PLPPR1: variants seen among roughly 807,000 people sequenced by gnomAD.
PLPPR1 encodes phospholipid phosphatase related 1, also known as phospholipid phosphatase-related protein type 1.
Under a neutral mutation model 33.1 loss-of-function variants are expected in PLPPR1, and 10 were observed. That is an observed-to-expected ratio of 0.30 (90% CI 0.19 to 0.51). The LOEUF (loss-of-function observed/expected upper bound fraction) is 0.51, where lower values mean the gene tolerates loss of function less well. PLPPR1 is among the 20% of genes least tolerant of loss of function. The pLI is 0.97. For synonymous variants in PLPPR1, 151 were observed against 151.0 expected (o/e 1.00, Z 0.00); for missense variants, 304 against 408.1 (o/e 0.74, Z 2.20).
Position 101,324,124 on chromosome 9 carries a change from T to C in PLPPR1, c.*67T>C. 2 of 1,303,020 alleles carry C rather than the reference T, an allele frequency of 1.5e-6. No homozygotes were observed. The highest frequency in any genetic ancestry group is 2.2e-6 in the Non-Finnish European group (2 of 904,616). The allele number at this position is 1,303,020 out of a possible 1,614,324, so 80.7% of individuals were successfully genotyped here. A position where few individuals can be genotyped will look rare whatever the true frequency, so the allele number is the denominator to read the frequency against. On this transcript the variant is annotated 3_prime_UTR_variant, in exon 8 of 8. Transcript: ENST00000374874. Reference sequence around the variant, plus strand: ...CAATTCTATACTTCAAAACACACAGTTGCTCAATGTCAAACTGTGATGACA... The same window carrying C: ...CAATTCTATACTTCAAAACACACAGCTGCTCAATGTCAAACTGTGATGACA...
intron 1 of PLPPR1, among the ~76,000 whole-genome samples, chr9:101,079,795 G>C (rs1020845088): frequency 3.0e-4 from 45 of 152,232 alleles, no homozygotes; most frequent in African/African-American, 1.0e-3. Flanking sequence ...GGTCAGGCTA[G>C]TCTTGAACTC....
chr9:101,042,982 T>C (rs1416701531), intron 1 of PLPPR1, among the ~76,000 whole-genome samples: 1 of 152,124 alleles, frequency 6.6e-6, no homozygotes, highest in East Asian at 1.9e-4. Flanking sequence ...ATAAGTTCTT[T>C]AGTGATGACT....
At chr9:101,161,687 A>G (rs1437724705) in intron 1 of PLPPR1, among the ~76,000 whole-genome samples, 1 of 152,092 alleles carries the variant, frequency 6.6e-6, no homozygotes, top group Non-Finnish European at 1.5e-5. Flanking sequence ...TATTAAAATA[A>G]AGACAAAAGA....
intron 1 of PLPPR1, among the ~76,000 whole-genome samples, chr9:101,172,499 C>T: frequency 6.6e-6 from 1 of 152,062 alleles, no homozygotes; most frequent in South Asian, 2.1e-4. Context: ...AGGTTTTCTA[C>T]CTTGGTTGGT....
chr9:101,081,154 A>T (rs1341440043), intron 1 of PLPPR1, among the ~76,000 whole-genome samples: 1 of 152,162 alleles, frequency 6.6e-6, no homozygotes, highest in Non-Finnish European at 1.5e-5. Context: ...CATTTAAAAA[A>T]TATCTTGCTT....
chr9:101,240,731 G>T (rs902050739), intron 2 of PLPPR1, among the ~76,000 whole-genome samples: 16 of 151,988 alleles, frequency 1.1e-4, no homozygotes, highest in African/African-American at 3.6e-4. Flanking sequence ...CAATAAAGTT[G>T]GGAAATTACT....
At chr9:101,263,430 C>A (rs1827935584) in intron 2 of PLPPR1, among the ~76,000 whole-genome samples, 1 of 152,206 alleles carries the variant, frequency 6.6e-6, no homozygotes, top group Non-Finnish European at 1.5e-5. Flanking sequence ...CTTCCTGCTT[C>A]CATTCCAACT....
chr9:101,138,800 C>T (rs1463584801), intron 1 of PLPPR1, among the ~76,000 whole-genome samples: 1 of 152,122 alleles, frequency 6.6e-6, no homozygotes, highest in Non-Finnish European at 1.5e-5. Flanking sequence ...AATACCTTAC[C>T]AGGATGATAA....
intron 2 of PLPPR1, among the ~76,000 whole-genome samples, chr9:101,211,154 C>G (rs1826683418): frequency 6.6e-6 from 1 of 152,088 alleles, no homozygotes; most frequent in South Asian, 2.1e-4. Context: ...GGGGATTTCA[C>G]AAGGGGTCAC....
intron 1 of PLPPR1, among the ~76,000 whole-genome samples, chr9:101,146,991 T>A (rs1252534319): frequency 6.6e-6 from 1 of 152,230 alleles, no homozygotes; most frequent in Non-Finnish European, 1.5e-5. Flanking sequence ...GGGTGAAATG[T>A]CGCTATGACA....
At chr9:101,164,886 A>G (rs1039989235) in intron 1 of PLPPR1, among the ~76,000 whole-genome samples, 2 of 152,148 alleles carry the variant, frequency 1.3e-5, no homozygotes, top group Admixed American at 6.6e-5. Flanking sequence ...CATGAATATT[A>G]TGATTGACTA....
chr9:101,031,962 A>C (rs1564125743), intron 1 of PLPPR1, among the ~76,000 whole-genome samples: 1 of 152,098 alleles, frequency 6.6e-6, no homozygotes, highest in Non-Finnish European at 1.5e-5. Flanking sequence ...GCACAAAGGG[A>C]GGGCATCCAA....
At chr9:101,236,438 A>C (rs1002320901) in intron 2 of PLPPR1, among the ~76,000 whole-genome samples, 2 of 151,578 alleles carry the variant, frequency 1.3e-5, no homozygotes, top group African/African-American at 4.8e-5. Flanking sequence ...AGAAAAGGCA[A>C]ATATTTCTAT....
At chr9:101,050,735 A>T (rs917431316) in intron 1 of PLPPR1, among the ~76,000 whole-genome samples, 2 of 152,206 alleles carry the variant, frequency 1.3e-5, no homozygotes, top group African/African-American at 4.8e-5. Context: ...AATAGTCACA[A>T]TTGGCCCATC....
At chr9:101,084,954 T>C (rs1002960272) in intron 1 of PLPPR1, among the ~76,000 whole-genome samples, 1 of 152,194 alleles carries the variant, frequency 6.6e-6, no homozygotes, top group African/African-American at 2.4e-5. Context: ...GCAGAACTCC[T>C]CTCTGGGATG....
At chr9:101,152,831 G>A (rs190555689) in intron 1 of PLPPR1, among the ~76,000 whole-genome samples, 22 of 152,274 alleles carry the variant, frequency 1.4e-4, no homozygotes, top group South Asian at 2.1e-4. Flanking sequence ...GTCAGGTAGC[G>A]TGTTGCCTCC....
chr9:101,304,644 G>A (rs1169866418), intron 4 of PLPPR1, among the ~76,000 whole-genome samples: 3 of 152,130 alleles, frequency 2.0e-5, no homozygotes, highest in African/African-American at 7.2e-5. Context: ...TCTTAAATGG[G>A]GCAAGACCTA....
At chr9:101,229,568 C>G (rs1827141223) in intron 2 of PLPPR1, among the ~76,000 whole-genome samples, 3 of 151,966 alleles carry the variant, frequency 2.0e-5, no homozygotes, top group Admixed American at 2.0e-4. Context: ...TGCTGTATTT[C>G]ACAGATAAAT....
At chr9:101,254,438 T>C (rs1467681370) in intron 2 of PLPPR1, among the ~76,000 whole-genome samples, 1 of 152,074 alleles carries the variant, frequency 6.6e-6, no homozygotes, top group Admixed American at 6.6e-5. Context: ...GTGTGAGCAA[T>C]GGGGAGCAGC....
Sources: allele counts gnomAD v4.1 joint callset (sites outside exome capture counted in the v4.1 genomes callset), GRCh38; gene constraint gnomAD v4.1.1; transcripts MANE v1.5; gene names NCBI Gene and HGNC (gene_info 2026-07-23, HGNC 2026-07-21).